The following GNAL variants were observed in gnomAD, a reference collection of about 807,000 sequenced individuals.
The protein encoded by GNAL is G protein subunit alpha L.
GNAL carries 18 observed loss-of-function variants against 55.1 expected under a neutral mutation model. The ratio of observed to expected loss-of-function variants is 0.33; its 90% confidence interval spans 0.23 to 0.48. The LOEUF (loss-of-function observed/expected upper bound fraction) is 0.48, where lower values mean the gene tolerates loss of function less well. Among genes scored for constraint, GNAL ranks in the 20% least tolerant of loss-of-function variants. GNAL has a pLI of 0.99. For synonymous variants in GNAL, 253 were observed against 237.0 expected (o/e 1.07, Z -0.62); for missense variants, 412 against 614.1 (o/e 0.67, Z 3.48).
intron 4 of GNAL, among the ~76,000 whole-genome samples, chr18:11,761,352 C>G (rs9959495): frequency 0.014 from 2,130 of 152,322 alleles, 43 homozygotes; most frequent in African/African-American, 0.049. Flanking sequence ...TCCTCATCCC[C>G]ATGCCCTCTC....
chr18:11,821,886 A>C (rs1213858156), intron 4 of GNAL, among the ~76,000 whole-genome samples: 1 of 152,238 alleles, frequency 6.6e-6, no homozygotes, highest in African/African-American at 2.4e-5. Flanking sequence ...CCTGCAGCGC[A>C]CATCCGCCCT....
chr18:11,745,007 G>A (rs2032658237), intron 1 of GNAL, among the ~76,000 whole-genome samples: 2 of 152,162 alleles, frequency 1.3e-5, no homozygotes, highest in Admixed American at 1.3e-4. Flanking sequence ...CCACTGTGAT[G>A]GGCGCTAAAA....
intron 1 of GNAL, among the ~76,000 whole-genome samples, chr18:11,691,185 T>G (rs1209853316): frequency 3.3e-5 from 5 of 152,026 alleles, no homozygotes; most frequent in Non-Finnish European, 7.4e-5. Context: ...CATTGTGGTT[T>G]TGATTTGCAT....
chr18:11,788,914 A>AAAT (rs60071996), intron 4 of GNAL, among the ~76,000 whole-genome samples: 7 of 56,298 alleles, frequency 1.2e-4, no homozygotes, highest in African/African-American at 7.0e-4. Context: ...AAAAAAAAAA[A>AAAT]ATATATATAT....
chr18:11,805,214 T>C (rs376921234), intron 4 of GNAL, among the ~76,000 whole-genome samples: 34 of 126,038 alleles, frequency 2.7e-4, no homozygotes, highest in Middle Eastern at 5.4e-3. Flanking sequence ...GAGTGGAACA[T>C]GGAGATACTG....
intron 4 of GNAL, among the ~76,000 whole-genome samples, chr18:11,764,350 G>T (rs551963899): frequency 5.9e-5 from 9 of 152,032 alleles, no homozygotes; most frequent in Admixed American, 2.6e-4. Flanking sequence ...TAAGTAATCC[G>T]CCCACCTTGA....
In GNAL at chr18:11,862,469, C is replaced by G. The variant is rs764811313; in HGVS notation, c.777+20C>G. On this transcript the variant is annotated intron_variant, in intron 6 of 11. Coordinates refer to ENST00000334049, the MANE Select transcript of GNAL (RefSeq NM_182978.4). ...GACCAGGTATGTGGAATTAGGGTCCCCCACCACACACCAGAAACTTTGAGA... is the reference window on the plus strand; with the variant it reads ...GACCAGGTATGTGGAATTAGGGTCCGCCACCACACACCAGAAACTTTGAGA... 2.0e-6 allele frequency: 3 copies of G among 1,533,588 alleles called. No individual in the cohort carries two copies. In the South Asian group the frequency reaches 3.4e-5, roughly 17 times the overall value. The allele number at this position is 1,533,588 out of a possible 1,614,324, so 95.0% of individuals were successfully genotyped here.
intron 1 of GNAL, among the ~76,000 whole-genome samples, chr18:11,740,354 G>C (rs918270750): frequency 7.6e-4 from 115 of 152,132 alleles, no homozygotes; most frequent in African/African-American, 2.8e-3. Context: ...CACACCCCCA[G>C]TTAGCTATTT....
At chr18:11,849,480 T>G (rs2035806704) in intron 5 of GNAL, among the ~76,000 whole-genome samples, 1 of 134,762 alleles carries the variant, frequency 7.4e-6, no homozygotes. Context: ...CCAGCCTGAG[T>G]GACAAAGCAA....
intron 4 of GNAL, among the ~76,000 whole-genome samples, chr18:11,797,096 A>G (rs2034410519): frequency 6.6e-6 from 1 of 152,052 alleles, no homozygotes; most frequent in African/African-American, 2.4e-5. Flanking sequence ...GGCCTGGCTA[A>G]TTTTGTAATT....
At chr18:11,869,781 C>T (rs975384810) in intron 9 of GNAL, among the ~76,000 whole-genome samples, 4 of 151,900 alleles carry the variant, frequency 2.6e-5, no homozygotes, top group African/African-American at 4.8e-5. Context: ...TGGTGGGGCG[C>T]GCTTGTAGTC....
chr18:11,765,295 A>C (rs149112256), intron 4 of GNAL, among the ~76,000 whole-genome samples: 1 of 152,358 alleles, frequency 6.6e-6, no homozygotes, highest in East Asian at 1.9e-4. Flanking sequence ...TGATGGATAT[A>C]TAATAGTTGT....
In GNAL at chr18:11,752,696, G is replaced by A. The variant is rs1355216231; in HGVS notation, c.377-157G>A. 3.8e-5 allele frequency: 46 copies of A among 1,222,280 alleles called. No individual in the cohort carries two copies. The South Asian group carries it at 7.1e-4, about 19-fold the overall frequency. 75.7% of individuals were successfully genotyped at this position (1,222,280 alleles called of 1,614,324 possible). On this transcript the variant is annotated intron_variant, in intron 1 of 11. Coordinates refer to ENST00000334049, the MANE Select transcript of GNAL (RefSeq NM_182978.4). The surrounding 1 kb of genome is among the most constrained non-coding windows in gnomAD (Gnocchi z 4.5). ...GGGTCGCGCGCACCTCTGGGCCGCG[G>A]AGCCCAGACGGCGGCCGGGGCGAGC...
At chr18:11,746,717 T>C (rs959825058) in intron 1 of GNAL, 3 of 286,638 alleles carry the variant, frequency 1.0e-5, no homozygotes, top group Non-Finnish European at 1.4e-5. Context: ...TCTGGCTTGG[T>C]TGCTGCCACC....
At chr18:11,745,991 T>C in intron 1 of GNAL, 1 of 283,312 alleles carries the variant, frequency 3.5e-6, no homozygotes, top group Non-Finnish European at 7.1e-6. Context: ...GAAAGTGTTC[T>C]TGGGCAGAGA....
intron 4 of GNAL, among the ~76,000 whole-genome samples, chr18:11,756,109 T>A (rs1598432211): frequency 6.6e-6 from 1 of 152,338 alleles, no homozygotes; most frequent in East Asian, 1.9e-4. Flanking sequence ...GTCTTCTTTC[T>A]CCTGTTCATA....
Position 11,689,285 on chromosome 18 carries a change from C to A in GNAL, c.-279C>A. 1 of 286,896 alleles carries A rather than the reference C, an allele frequency of 3.5e-6. No individual in the cohort carries two copies. Among genetic ancestry groups the A allele is most frequent in the Non-Finnish European group, 6.5e-6 (1 of 154,678 alleles). The allele number at this position is 286,896 out of a possible 1,614,324, so 17.8% of individuals were successfully genotyped here. On this transcript the variant is annotated 5_prime_UTR_variant, in exon 1 of 12. Coordinates refer to ENST00000334049, the MANE Select transcript of GNAL (RefSeq NM_182978.4). ...GCCCGTCGGTTCGGTCCGCTCTGGG[C>A]GTTAGCAAGTGATCTCCAGCCAAGG...
At chr18:11,732,759 A>T (rs1429027225) in intron 1 of GNAL, among the ~76,000 whole-genome samples, 2 of 152,244 alleles carry the variant, frequency 1.3e-5, no homozygotes, top group Non-Finnish European at 2.9e-5. Context: ...AGAAAATGTT[A>T]ATATGCTTTG....
At chr18:11,872,893 A>G (rs12456112) in intron 10 of GNAL, among the ~76,000 whole-genome samples, 11,913 of 152,306 alleles carry the variant, frequency 0.078, 938 homozygotes, top group African/African-American at 0.2. Context: ...CCCCAAGCCC[A>G]TGCTGGCAGC....
Sources: allele counts gnomAD v4.1 joint callset (sites outside exome capture counted in the v4.1 genomes callset), GRCh38; gene constraint gnomAD v4.1.1; non-coding constraint Gnocchi (gnomAD v3.1); transcripts MANE v1.5; gene names NCBI Gene and HGNC (gene_info 2026-07-23, HGNC 2026-07-21).